SLC4A10: variants seen among roughly 807,000 people sequenced by gnomAD.
SLC4A10 encodes the protein sodium-driven chloride bicarbonate exchanger.
SLC4A10 carries 42 observed loss-of-function variants against 137.7 expected under a neutral mutation model. The observed-to-expected ratio is 0.30, with a 90% CI of 0.24 to 0.39. The LOEUF (loss-of-function observed/expected upper bound fraction) is 0.39. SLC4A10 is among the 10% of genes least tolerant of loss of function. SLC4A10 has a pLI of 1.00. For synonymous variants in SLC4A10, 474 were observed against 464.1 expected, an observed-to-expected ratio of 1.02 and a Z score of -0.27; for missense variants, 925 against 1,355.0, an observed-to-expected ratio of 0.68 and a Z score of 4.98.
chr2:161,766,837 A>T (rs575360596), intron 1 of SLC4A10, among the ~76,000 whole-genome samples: 28 of 151,408 alleles, frequency 1.8e-4, no homozygotes, highest in African/African-American at 6.0e-4. Context: ...ATTTTTAAAA[A>T]TTTTTTTCCA....
At chr2:161,904,510 T>G (rs1035008362) in intron 13 of SLC4A10, among the ~76,000 whole-genome samples, 11 of 152,176 alleles carry the variant, frequency 7.2e-5, no homozygotes, top group African/African-American at 2.7e-4. Context: ...GTCCAGACAC[T>G]AATCCTGAAT....
intron 1 of SLC4A10, among the ~76,000 whole-genome samples, chr2:161,749,251 A>G (rs938615826): frequency 1.2e-4 from 18 of 151,874 alleles, no homozygotes; most frequent in African/African-American, 3.6e-4. Context: ...TTTTCTTCCA[A>G]TGTGGATGCC....
At chr2:161,928,206 G>A (rs1689568875) in intron 15 of SLC4A10, among the ~76,000 whole-genome samples, 1 of 149,272 alleles carries the variant, frequency 6.7e-6, no homozygotes, top group African/African-American at 2.5e-5. Flanking sequence ...AAAATGATGA[G>A]TTCATGTCCT....
rs371397713 is a variant in SLC4A10 at position 161,977,961 on chromosome 2, C to T, written c.*26+201C>T. 8.5e-5 allele frequency among the ~76,000 whole-genome samples: 13 copies of T among 152,280 alleles called. No individual in the cohort carries two copies. In the East Asian group the frequency reaches 9.7e-4, roughly 11 times the overall value. ...CTCAGCTCTTTAAGTTAGTCTGAAA[C>T]TTGAATAAACTTTATTCCTTCCTTG... On this transcript the variant is annotated intron_variant, in intron 26 of 26. Transcript: ENST00000446997.
Position 161,965,043 on chromosome 2 carries a change from TAC to T in SLC4A10, c.3037-7_3037-6del. ...TTCCACTTTAAACTAGTTTATTATT[TAC>T]TTCAGGTGTTAGCCCTGGTATTTGT... On this transcript the variant is annotated splice_polypyrimidine_tract_variant and splice_region_variant and intron_variant, in intron 22 of 26. Coordinates refer to ENST00000446997, the MANE Select transcript of SLC4A10 (RefSeq NM_001178015.2). 1.9e-6 allele frequency: 3 copies of T among 1,607,870 alleles called. No individual in the cohort carries two copies. Among genetic ancestry groups the T allele is most frequent in the Non-Finnish European group, 2.5e-6 (3 of 1,176,892 alleles).
At chr2:161,823,091 G>C (rs181304530) in intron 3 of SLC4A10, among the ~76,000 whole-genome samples, 79 of 152,236 alleles carry the variant, frequency 5.2e-4, no homozygotes, top group African/African-American at 1.9e-3. Context: ...AGTATGTCAT[G>C]AATGCATAAC....
intron 12 of SLC4A10, among the ~76,000 whole-genome samples, chr2:161,903,528 T>C (rs555029758): frequency 6.6e-6 from 1 of 152,302 alleles, no homozygotes; most frequent in East Asian, 1.9e-4. Flanking sequence ...TGGTTAAACA[T>C]TGCTTTTTCT....
intron 15 of SLC4A10, among the ~76,000 whole-genome samples, chr2:161,911,076 A>G (rs993656710): frequency 1.3e-5 from 2 of 152,040 alleles, no homozygotes; most frequent in East Asian, 3.9e-4. Flanking sequence ...ATTAAGTATC[A>G]CTTAATGATA....
intron 6 of SLC4A10, among the ~76,000 whole-genome samples, chr2:161,869,866 C>G (rs993998377): frequency 6.6e-6 from 1 of 151,384 alleles, no homozygotes; most frequent in African/African-American, 2.4e-5. Flanking sequence ...GTCTTTATGT[C>G]TATGTCATAG....
At chr2:161,674,711 A>G (rs1291473081) in intron 1 of SLC4A10, among the ~76,000 whole-genome samples, 4 of 152,224 alleles carry the variant, frequency 2.6e-5, no homozygotes, top group East Asian at 1.9e-4. Context: ...GAGGAAAGTC[A>G]TCTTCATCCC....
At chr2:161,704,029 G>A (rs1299532951) in intron 1 of SLC4A10, among the ~76,000 whole-genome samples, 1 of 151,636 alleles carries the variant, frequency 6.6e-6, no homozygotes, top group African/African-American at 2.4e-5. Flanking sequence ...CCTTGTAAAT[G>A]TGAAAATATG....
At chr2:161,720,472 T>C (rs947044636) in intron 1 of SLC4A10, among the ~76,000 whole-genome samples, 5 of 152,170 alleles carry the variant, frequency 3.3e-5, no homozygotes, top group African/African-American at 1.2e-4. Flanking sequence ...ATTGAATCTA[T>C]AAATTACCTT....
At chr2:161,720,119 C>G (rs2045467292) in intron 1 of SLC4A10, among the ~76,000 whole-genome samples, 1 of 152,174 alleles carries the variant, frequency 6.6e-6, no homozygotes, top group African/African-American at 2.4e-5. Context: ...ATATGGCTAG[C>G]CCGTTTTCCC....
At chr2:161,819,981 C>T (rs965806022) in intron 3 of SLC4A10, among the ~76,000 whole-genome samples, 11 of 151,988 alleles carry the variant, frequency 7.2e-5, no homozygotes, top group African/African-American at 2.7e-4. Context: ...CCTCAACCTC[C>T]CTGAAAAGAA....
chr2:161,768,037 C>T (rs1179634008), intron 1 of SLC4A10, among the ~76,000 whole-genome samples: 1 of 152,022 alleles, frequency 6.6e-6, no homozygotes, highest in Non-Finnish European at 1.5e-5. Context: ...TTATTTACTT[C>T]TTTCCTAGCA....
In SLC4A10 at chr2:161,965,197, T is replaced by C. The variant is rs768491153; in HGVS notation, c.3159+24T>C. The C allele has an allele frequency of 4.2e-5, 66 of 1,579,812 alleles. 1 individual carries two copies. In the South Asian group the frequency reaches 6.7e-4, roughly 16 times the overall value. On this transcript the variant is annotated intron_variant, in intron 23 of 26. Transcript: ENST00000446997. ...AAGTAAGAGCAAAATCAATGTTTTA[T>C]AAAGAAAGAAAAAAGGAACATAGTA...
At chr2:161,854,472 G>C (rs2059992958) in intron 4 of SLC4A10, among the ~76,000 whole-genome samples, 1 of 152,090 alleles carries the variant, frequency 6.6e-6, no homozygotes, top group Admixed American at 6.6e-5. Flanking sequence ...ATCCAAGCAA[G>C]CCTAACAAGG....
chr2:161,838,979 A>G (rs1476131126), intron 3 of SLC4A10, among the ~76,000 whole-genome samples: 1 of 152,208 alleles, frequency 6.6e-6, no homozygotes, highest in Non-Finnish European at 1.5e-5. Context: ...CTAGAGAAAT[A>G]AAATTTATGT....
intron 3 of SLC4A10, among the ~76,000 whole-genome samples, chr2:161,810,563 T>C (rs142965314): frequency 2.0e-5 from 3 of 152,040 alleles, no homozygotes; most frequent in Admixed American, 6.6e-5. Context: ...CTGTTGAGGG[T>C]ATTTTATCAT....
Sources: gnomAD v4.1 joint callset for allele counts (sites outside exome capture counted in the v4.1 genomes callset) on GRCh38, gnomAD v4.1.1 for gene constraint, MANE v1.5 for transcripts, NCBI Gene and HGNC (gene_info 2026-07-23, HGNC 2026-07-21) for gene names.